The following ETV2 variants were observed in gnomAD, a reference collection of about 807,000 sequenced individuals.
The protein encoded by ETV2 is ETS variant transcription factor 2, also known as ETS translocation variant 2.
ETV2 carries 34 observed loss-of-function variants against 35.7 expected under a neutral mutation model. The observed-to-expected ratio is 0.95, with a 90% confidence interval of 0.72 to 1.27. The LOEUF (loss-of-function observed/expected upper bound fraction) is 1.27. ETV2 is among the 50% of genes most tolerant of loss of function. ETV2 has a pLI of 0.00. For missense variants in ETV2, 512 were observed against 470.5 expected (o/e 1.09, Z -0.82); for synonymous variants, 207 against 203.9 (o/e 1.02, Z -0.13).
chr19:35,644,776 A>G lies in ETV2; in HGVS notation c.953A>G (p.Tyr318Cys). The G allele has an allele frequency of 1.2e-6, 2 of 1,612,120 alleles. No individual in the cohort carries two copies. Among genetic ancestry groups the G allele is most frequent in the Non-Finnish European group, 1.7e-6 (2 of 1,179,220 alleles). Residue 318 changes from tyrosine (Y) to cysteine (C), a missense_variant, in exon 7 of 7, where the codon TAC becomes TGC. By Grantham distance (194) the Tyr-to-Cys change is radical. Coordinates refer to ENST00000402764, the MANE Select transcript of ETV2 (RefSeq NM_014209.4). This position sits in a 1 kb window ranked among gnomAD's most constrained non-coding sequence, Gnocchi z 4.7. Reference protein sequence around the residue: ...VRKSGGRKYTYRFGGRVPSLA... With the variant: ...VRKSGGRKYTCRFGGRVPSLA... ...AAGAGCGGGGGGCGAAAGTACACGT[A>G]CCGCTTCGGGGGCCGCGTGCCCAGC...
Position 35,643,014 on chromosome 19 carries a change from G to A in ETV2, c.204G>A (p.Ala68=). 1 of 1,572,098 alleles carries A rather than the reference G, an allele frequency of 6.4e-7. No individual in the cohort carries two copies. Among genetic ancestry groups the A allele is most frequent in the South Asian group, 1.2e-5 (1 of 85,982 alleles). Residue 68 remains alanine (A), a synonymous_variant, in exon 4 of 7, where the codon GCG becomes GCA. Coordinates refer to ENST00000402764, the MANE Select transcript of ETV2 (RefSeq NM_014209.4). The surrounding 1 kb of genome is among the most constrained non-coding windows in gnomAD (Gnocchi z 5.0). Reference sequence around the variant, plus strand: ...TCCCACAGCTGGACTGGGGCTCCGCGTTACTGCACCCAGAAGTTCCATGGG... The same window carrying A: ...TCCCACAGCTGGACTGGGGCTCCGCATTACTGCACCCAGAAGTTCCATGGG... The part of the protein sequence containing the change: ...ASFPQLDWGS[A]LLHPEVPWGA...
At position 35,643,298 on chromosome 19, in the gene ETV2, G is replaced by A; in HGVS notation, c.260G>A (p.Trp87Ter). Residue 87 changes from tryptophan (W) to a stop codon, truncating the protein, a stop_gained, in exon 5 of 7, where the codon TGG becomes TAG. Transcript: ENST00000402764. LOFTEE classifies it high-confidence loss of function. The surrounding 1 kb of genome is among the most constrained non-coding windows in gnomAD (Gnocchi z 5.0). ...GAEPDSQALP[W>*]SGDWTDMACT... ...GAGCCCGACTCTCAGGCTCTTCCGT[G>A]GTCCGGGGACTGGACAGACATGGCG... is the stretch of plus-strand genomic sequence containing the variant. 1 of 1,602,158 alleles carries A rather than the reference G, an allele frequency of 6.2e-7. No individual in the cohort carries two copies. Among genetic ancestry groups the A allele is most frequent in the Non-Finnish European group, 8.5e-7 (1 of 1,176,326 alleles).
In ETV2 at chr19:35,644,722, G is replaced by T. The variant is rs1599617576; in HGVS notation, c.899G>T (p.Arg300Leu). ...TACGAGAAGCTGAGCCGGGGCCTTC[G>T]CTACTACTATCGCCGCGACATCGTG... ...MNYEKLSRGLRYYYRRDIVRK... is the reference protein window; with the variant it reads ...MNYEKLSRGLLYYYRRDIVRK... Residue 300 changes from arginine (R) to leucine (L), a missense_variant, in exon 7 of 7, where the codon CGC becomes CTC. Coordinates refer to ENST00000402764, the MANE Select transcript of ETV2 (RefSeq NM_014209.4). This position sits in a 1 kb window ranked among gnomAD's most constrained non-coding sequence, Gnocchi z 4.7. The T allele has an allele frequency of 6.2e-7, 1 of 1,606,634 alleles. No homozygotes were observed. Among genetic ancestry groups the T allele is most frequent in the Admixed American group, 1.7e-5 (1 of 59,056 alleles).
Position 35,642,987 on chromosome 19 carries a change from C to T in ETV2, c.177C>T (p.Ser59=). ...CAGGTACAAGCTCATCCCTGGCAAGCTTCCCACAGCTGGACTGGGGCTCCG... is the reference window on the plus strand; with the variant it reads ...CAGGTACAAGCTCATCCCTGGCAAGTTTCCCACAGCTGGACTGGGGCTCCG... ...CWKGTSSSLA[S]FPQLDWGSAL... The change falls in exon 4 of 7, where the codon AGC becomes AGT. Residue 59 remains serine (S), a synonymous_variant. Transcript: ENST00000402764. This position sits in a 1 kb window ranked among gnomAD's most constrained non-coding sequence, Gnocchi z 4.4. 1 of 1,574,972 alleles carries T rather than the reference C, an allele frequency of 6.3e-7. No individual in the cohort carries two copies. Among genetic ancestry groups the T allele is most frequent in the Non-Finnish European group, 8.6e-7 (1 of 1,158,882 alleles).
chr19:35,644,245 G>T lies in ETV2; in HGVS notation c.726G>T (p.Gln242His). 3.8e-6 allele frequency: 6 copies of T among 1,559,340 alleles called. No homozygotes were observed. The highest frequency in any genetic ancestry group is 5.2e-6 in the Non-Finnish European group (6 of 1,150,716). Residue 242 changes from glutamine to histidine, a missense_variant, in exon 6 of 7, where the codon CAG (glutamine) becomes CAT (histidine). Coordinates refer to ENST00000402764, the MANE Select transcript of ETV2 (RefSeq NM_014209.4). The surrounding 1 kb of genome is among the most constrained non-coding windows in gnomAD (Gnocchi z 4.7). ...CPKTNHRGPI[Q>H]LWQFLLELLH... ...CCCTTCATCCCGCAGGTCCCATTCA[G>T]CTGTGGCAGTTCCTCCTGGAGCTGC...
rs1236282310 is a variant in ETV2, at chr19:35,643,532, A to G, written c.494A>G (p.Tyr165Cys). 5.8e-6 allele frequency: 9 copies of G among 1,551,450 alleles called. No individual in the cohort carries two copies. The highest frequency in any genetic ancestry group is 7.8e-6 in the Non-Finnish European group (9 of 1,147,454). Residue 165 changes from tyrosine to cysteine, a missense_variant, in exon 5 of 7, where the codon TAC becomes TGC. By Grantham distance (194) the Tyr-to-Cys change is radical. Transcript: ENST00000402764. This position sits in a 1 kb window ranked among gnomAD's most constrained non-coding sequence, Gnocchi z 5.0. ...TCTGTGGGGCCCGACGGCGATACCT[A>G]CTGGGGCAGTGGCCTGGGCGGGGAG... ...DCSVGPDGDT[Y>C]WGSGLGGEPR... is the part of the protein sequence containing the mutation.
In ETV2 at chr19:35,643,587, C is replaced by G; in HGVS notation, c.549C>G (p.Gly183=). ...GCACGGACTGTACCATTTCGTGGGG[C>G]GGGCCCGCGGGCCCGGACTGTACCA... The part of the protein sequence containing the change: ...EPRTDCTISW[G]GPAGPDCTTS... Residue 183 remains glycine, a synonymous_variant, in exon 5 of 7, where the codon GGC becomes GGG. Transcript: ENST00000402764. The surrounding 1 kb of genome is among the most constrained non-coding windows in gnomAD (Gnocchi z 5.0). 6.3e-7 allele frequency: 1 copy of G among 1,587,466 alleles called. No homozygotes were observed. The highest frequency in any genetic ancestry group is 8.6e-7 in the Non-Finnish European group (1 of 1,167,772).
At position 35,642,551 on chromosome 19, in the gene ETV2, C is replaced by A. The variant is rs766603621; in HGVS notation, c.70+21C>A. 35 of 1,613,700 alleles carry A rather than the reference C, an allele frequency of 2.2e-5. No homozygotes were observed. Among genetic ancestry groups the A allele is most frequent in the South Asian group, 1.6e-4 (15 of 91,082 alleles). On this transcript the variant is annotated intron_variant, in intron 2 of 6. Transcript: ENST00000402764. This position sits in a 1 kb window ranked among gnomAD's most constrained non-coding sequence, Gnocchi z 4.4. ...GCTTGGTAGGCTGCCGAGGCTGCCA[C>A]AACGTGTGTGGGGAGGGTGTCCAGG...
In ETV2 at chr19:35,642,789, C is replaced by A; in HGVS notation, c.154+91C>A. On this transcript the variant is annotated intron_variant, in intron 3 of 6. Coordinates refer to ENST00000402764, the MANE Select transcript of ETV2 (RefSeq NM_014209.4). This position sits in a 1 kb window ranked among gnomAD's most constrained non-coding sequence, Gnocchi z 4.4. The stretch of plus-strand genomic sequence containing the variant: ...GGGAGGAGGGGGGCGTGCCTAGGTT[C>A]CTGGGACTGGGTGGGGAGGGGCCGC... 8.6e-7 allele frequency: 1 copy of A among 1,159,830 alleles called. No individual in the cohort carries two copies. Among genetic ancestry groups the A allele is most frequent in the South Asian group, 1.3e-5 (1 of 74,310 alleles). 71.8% of individuals were successfully genotyped at this position (1,159,830 alleles called of 1,614,324 possible). A position where few individuals can be genotyped will look rare whatever the true frequency, so the allele number is the denominator to read the frequency against.
chr19:35,644,578 C>T lies in ETV2; in HGVS notation c.829-74C>T. The T allele has an allele frequency of 4.2e-6, 6 of 1,433,686 alleles. No individual in the cohort carries two copies. The highest frequency in any genetic ancestry group is 1.4e-5 in the South Asian group (1 of 73,458). The allele number at this position is 1,433,686 out of a possible 1,614,324, so 88.8% of individuals were successfully genotyped here. A position where few individuals can be genotyped will look rare whatever the true frequency, so the allele number is the denominator to read the frequency against. ...CGCCCAGGTCTGCACTGCACACCGC[C>T]CCCAGGCCCGGCCCTCCCCACTATC... On this transcript the variant is annotated intron_variant, in intron 6 of 6. Coordinates refer to ENST00000402764, the MANE Select transcript of ETV2 (RefSeq NM_014209.4). The surrounding 1 kb of genome is among the most constrained non-coding windows in gnomAD (Gnocchi z 4.7).
At position 35,644,278 on chromosome 19, in the gene ETV2, C is replaced by T. The variant is rs1967704754; in HGVS notation, c.759C>T (p.Asp253=). 1 of 1,562,032 alleles carries T rather than the reference C, an allele frequency of 6.4e-7. No individual in the cohort carries two copies. The highest frequency in any genetic ancestry group is 1.4e-5 in the African/African-American group (1 of 73,578). The change falls in exon 6 of 7, where the codon GAC becomes GAT. Residue 253 remains aspartate, a synonymous_variant. Transcript: ENST00000402764. The surrounding 1 kb of genome is among the most constrained non-coding windows in gnomAD (Gnocchi z 4.7). ...AGTTCCTCCTGGAGCTGCTCCACGA[C>T]GGGGCGCGTAGCAGCTGCATCCGTT... ...LWQFLLELLH[D]GARSSCIRWT...
In ETV2 at chr19:35,642,521, G is replaced by A. The variant is rs1411968308; in HGVS notation, c.61G>A (p.Ala21Thr). ...GGAAGTGCCTCCAGGGAACAAGCTG[G>A]CAGGGCTTGGTAGGCTGCCGAGGCT... ...PQEVPPGNKLAGLEGAKLGFC... is the reference protein window; with the variant it reads ...PQEVPPGNKLTGLEGAKLGFC... Residue 21 changes from alanine to threonine, a missense_variant, in exon 2 of 7, where the codon GCA (alanine) becomes ACA (threonine). Ala to Thr is a moderately conservative substitution (Grantham distance 58). Coordinates refer to ENST00000402764, the MANE Select transcript of ETV2 (RefSeq NM_014209.4). This position sits in a 1 kb window ranked among gnomAD's most constrained non-coding sequence, Gnocchi z 4.4. The A allele has an allele frequency of 1.2e-6, 2 of 1,613,456 alleles. No homozygotes were observed. Among genetic ancestry groups the A allele is most frequent in the Admixed American group, 3.3e-5 (2 of 59,950 alleles).
In ETV2 at chr19:35,644,443, C is replaced by T. The variant is rs1464121054; in HGVS notation, c.828+96C>T. 1.0e-6 allele frequency: 1 copy of T among 956,256 alleles called. No individual in the cohort carries two copies. Among genetic ancestry groups the T allele is most frequent in the Non-Finnish European group, 1.6e-6 (1 of 631,592 alleles). 59.2% of individuals were successfully genotyped at this position (956,256 alleles called of 1,614,324 possible). A position where few individuals can be genotyped will look rare whatever the true frequency, so the allele number is the denominator to read the frequency against. ...TAGGTTCAACCGCGTAGCCCTCGGC[C>T]CCGCCGCTCCCCGGCCCACTCGAGG... is the stretch of plus-strand genomic sequence containing the variant. On this transcript the variant is annotated intron_variant, in intron 6 of 6. Transcript: ENST00000402764. This position sits in a 1 kb window ranked among gnomAD's most constrained non-coding sequence, Gnocchi z 4.7.
Position 35,644,188 on chromosome 19 carries a change from G to C in ETV2, c.716-47G>C. 1 of 1,297,514 alleles carries C rather than the reference G, an allele frequency of 7.7e-7. No individual in the cohort carries two copies. The highest frequency in any genetic ancestry group is 1.1e-6 in the Non-Finnish European group (1 of 916,494). The allele number at this position is 1,297,514 out of a possible 1,614,324, so 80.4% of individuals were successfully genotyped here. Reference sequence around the variant, plus strand: ...GACCTCTAGATCATTGAAGTGGTGTGATCTAGGGCCGGGAAGACTGAGTGT... The same window carrying C: ...GACCTCTAGATCATTGAAGTGGTGTCATCTAGGGCCGGGAAGACTGAGTGT... On this transcript the variant is annotated intron_variant, in intron 5 of 6. Coordinates refer to ENST00000402764, the MANE Select transcript of ETV2 (RefSeq NM_014209.4). The surrounding 1 kb of genome is among the most constrained non-coding windows in gnomAD (Gnocchi z 4.7).
Position 35,642,531 on chromosome 19 carries a change from G to C in ETV2, c.70+1G>C, listed in dbSNP as rs763222939. On this transcript the variant is annotated splice_donor_variant, in intron 2 of 6. Coordinates refer to ENST00000402764, the MANE Select transcript of ETV2 (RefSeq NM_014209.4). LOFTEE classifies it high-confidence loss of function. This position sits in a 1 kb window ranked among gnomAD's most constrained non-coding sequence, Gnocchi z 4.4. ...CCAGGGAACAAGCTGGCAGGGCTTG[G>C]TAGGCTGCCGAGGCTGCCACAACGT... 1 of 1,613,312 alleles carries C rather than the reference G, an allele frequency of 6.2e-7. No homozygotes were observed.
At position 35,644,491 on chromosome 19, in the gene ETV2, C is replaced by CCAATCTCCCGCCTGTA. The variant is rs1178500598; in HGVS notation, c.828+146_829-144dup. 3 of 913,530 alleles carry CCAATCTCCCGCCTGTA rather than the reference C, an allele frequency of 3.3e-6. No individual in the cohort carries two copies. The highest frequency in any genetic ancestry group is 5.0e-6 in the Non-Finnish European group (3 of 603,270). The allele number at this position is 913,530 out of a possible 1,614,324, so 56.6% of individuals were successfully genotyped here. ...AGGCCCCGCCCAACCCTTCTCAAAC[C>CCAATCTCCCGCCTGTA]CAATCTCCCGCCTGTACTCCTGCCT... is the stretch of plus-strand genomic sequence containing the variant. On this transcript the variant is annotated intron_variant, in intron 6 of 6. Transcript: ENST00000402764. The surrounding 1 kb of genome is among the most constrained non-coding windows in gnomAD (Gnocchi z 4.7).
Position 35,644,146 on chromosome 19 carries a change from C to T in ETV2, c.716-89C>T. The T allele has an allele frequency of 1.1e-6, 1 of 915,322 alleles. No individual in the cohort carries two copies. The highest frequency in any genetic ancestry group is 1.7e-6 in the Non-Finnish European group (1 of 574,904). The allele number at this position is 915,322 out of a possible 1,614,324, so 56.7% of individuals were successfully genotyped here. A position where few individuals can be genotyped will look rare whatever the true frequency, so the allele number is the denominator to read the frequency against. On this transcript the variant is annotated intron_variant, in intron 5 of 6. Transcript: ENST00000402764. This position sits in a 1 kb window ranked among gnomAD's most constrained non-coding sequence, Gnocchi z 4.7. The stretch of plus-strand genomic sequence containing the variant: ...GATCCCCTTCTCGGGTCCTGGGTCC[C>T]GAGTTGGGAGGACCCGGACCTCTAG...
chr19:35,642,263 G>A lies in ETV2; in HGVS notation c.-28+107G>A. ...GCCTGGACTCCTGGGTCTAACAGAG[G>A]AAGAGAGCTGGGGTCCCTCACTCCC... On this transcript the variant is annotated intron_variant, in intron 1 of 6. Transcript: ENST00000402764. The surrounding 1 kb of genome is among the most constrained non-coding windows in gnomAD (Gnocchi z 4.4). 1 of 532,816 alleles carries A rather than the reference G, an allele frequency of 1.9e-6. No homozygotes were observed. Among genetic ancestry groups the A allele is most frequent in the South Asian group, 2.4e-5 (1 of 41,558 alleles). 33.0% of individuals were successfully genotyped at this position (532,816 alleles called of 1,614,324 possible).
rs941142740 is a variant in ETV2, at chr19:35,644,686, C to A, written c.863C>A (p.Pro288Gln). The change falls in exon 7 of 7, where the codon CCG becomes CAG. Residue 288 changes from proline to glutamine, a missense_variant. Pro to Gln is a moderately conservative substitution (Grantham distance 76). Coordinates refer to ENST00000402764, the MANE Select transcript of ETV2 (RefSeq NM_014209.4). This position sits in a 1 kb window ranked among gnomAD's most constrained non-coding sequence, Gnocchi z 4.7. ...CTGTGGGGCGAGCGCAAGAGAAAGC[C>A]GGGCATGAATTACGAGAAGCTGAGC... ...ARLWGERKRK[P>Q]GMNYEKLSRG... 6.2e-7 allele frequency: 1 copy of A among 1,603,490 alleles called. No individual in the cohort carries two copies. The highest frequency in any genetic ancestry group is 8.5e-7 in the Non-Finnish European group (1 of 1,174,180).
Sources: gnomAD v4.1 joint callset for allele counts on GRCh38, gnomAD v4.1.1 for gene constraint, Gnocchi (gnomAD v3.1) non-coding constraint, MANE v1.5 for transcripts, NCBI Gene and HGNC (gene_info 2026-07-23, HGNC 2026-07-21) for gene names.